MCM2: variants seen among roughly 807,000 people sequenced by gnomAD.
MCM2 encodes DNA replication licensing factor MCM2.
MCM2 carries 49 observed loss-of-function variants against 86.4 expected under a neutral mutation model. The ratio of observed to expected loss-of-function variants is 0.57; its 90% confidence interval spans 0.45 to 0.72. The LOEUF is 0.72. Among genes scored for constraint, MCM2 ranks in the 30% least tolerant of loss-of-function variants. MCM2 has a pLI of 0.00. For missense variants in MCM2, 1,038 were observed against 1,259.9 expected (o/e 0.82, Z 2.67); for synonymous variants, 475 against 484.6 (o/e 0.98, Z 0.26).
chr3:127,618,511 C>A lies in MCM2; in HGVS notation c.2013+430C>A, dbSNP rs771375510. Reference sequence around the variant, plus strand: ...GAATCCAGGGTCCTCCCCTCCGGCCCGCACCCGCCATCTCTGCAGCTACCT... The same window carrying A: ...GAATCCAGGGTCCTCCCCTCCGGCCAGCACCCGCCATCTCTGCAGCTACCT... On this transcript the variant is annotated intron_variant, in intron 12 of 15. Transcript: ENST00000265056. This position sits in a 1 kb window ranked among gnomAD's most constrained non-coding sequence, Gnocchi z 4.0. Among the ~76,000 whole-genome samples the A allele has an allele frequency of 6.6e-6, 1 of 152,150 alleles. No individual in the cohort carries two copies. The highest frequency in any genetic ancestry group is 1.5e-5 in the Non-Finnish European group (1 of 68,016).
Position 127,621,837 on chromosome 3 carries a change from C to A in MCM2, c.*64C>A. 8.1e-7 allele frequency: 1 copy of A among 1,241,322 alleles called. No individual in the cohort carries two copies. The allele number at this position is 1,241,322 out of a possible 1,614,324, so 76.9% of individuals were successfully genotyped here. ...TTTGGGGTGGTCAGTGCCCTCTGTG[C>A]TTTATGGACACAAAACCAGAGCACT... is the stretch of plus-strand genomic sequence containing the variant. On this transcript the variant is annotated 3_prime_UTR_variant, in exon 16 of 16. Transcript: ENST00000265056.
At chr3:127,614,585 T>C (rs1344559656) in intron 8 of MCM2, among the ~76,000 whole-genome samples, 2 of 152,246 alleles carry the variant, frequency 1.3e-5, no homozygotes, top group Non-Finnish European at 2.9e-5. Context: ...GACACACACC[T>C]CTGTCACCTG....
rs372497993 is a variant in MCM2 at position 127,618,200 on chromosome 3, T to C, written c.2013+119T>C. 1.3e-6 allele frequency: 1 copy of C among 758,514 alleles called. No individual in the cohort carries two copies. The highest frequency in any genetic ancestry group is 1.7e-5 in the African/African-American group (1 of 57,826). 47.0% of individuals were successfully genotyped at this position (758,514 alleles called of 1,614,324 possible). ...GTGCTGCAGGGGCCATAGGCTGTTTTCTAGTCCTGTTCCCTCGGTCTCTTC... is the reference window on the plus strand; with the variant it reads ...GTGCTGCAGGGGCCATAGGCTGTTTCCTAGTCCTGTTCCCTCGGTCTCTTC... On this transcript the variant is annotated intron_variant, in intron 12 of 15. Coordinates refer to ENST00000265056, the MANE Select transcript of MCM2 (RefSeq NM_004526.4). This position sits in a 1 kb window ranked among gnomAD's most constrained non-coding sequence, Gnocchi z 4.0.
chr3:127,614,976 G>T (rs1370743367), intron 8 of MCM2, among the ~76,000 whole-genome samples: 1 of 152,218 alleles, frequency 6.6e-6, no homozygotes, highest in Non-Finnish European at 1.5e-5. Context: ...GCTTTCAGAG[G>T]GAGATAGGAG....
At chr3:127,599,809 G>T (rs1393951985) in intron 2 of MCM2, among the ~76,000 whole-genome samples, 1 of 152,220 alleles carries the variant, frequency 6.6e-6, no homozygotes, top group African/African-American at 2.4e-5. Context: ...GAATGTAGGG[G>T]TCTCTAATCT....
chr3:127,621,276 G>C, intron 15 of MCM2, 48 bp downstream of exon 15: 1 of 1,605,754 alleles, frequency 6.2e-7, no homozygotes, highest in Non-Finnish European at 8.5e-7. Context: ...TGACTTGGGA[G>C]CTGCCAGTCT....
intron 8 of MCM2, among the ~76,000 whole-genome samples, chr3:127,614,981 T>C (rs1246315502): frequency 6.6e-6 from 1 of 152,214 alleles, no homozygotes; most frequent in African/African-American, 2.4e-5. Context: ...CAGAGGGAGA[T>C]AGGAGTTAGA....
Position 127,615,954 on chromosome 3 carries a change from A to C in MCM2, c.1521A>C (p.Pro507=). 1 of 1,613,384 alleles carries C rather than the reference A, an allele frequency of 6.2e-7. No homozygotes were observed. The highest frequency in any genetic ancestry group is 2.2e-5 in the East Asian group (1 of 44,876). Residue 507 remains proline (P), a splice_region_variant and synonymous_variant, in exon 9 of 16, where the codon CCA becomes CCC. Transcript: ENST00000265056. Reference sequence around the variant, plus strand: ...TGTTCGGAGGGGAGCCCAAAAACCCAGGTGAGCACCCACCTTTCCTCTGCA... The same window carrying C: ...TGTTCGGAGGGGAGCCCAAAAACCCCGGTGAGCACCCACCTTTCCTCTGCA... ...LALFGGEPKN[P]GGKHKVRGDI... is the part of the protein sequence containing the mutation.
rs1020858886 is a variant in MCM2, at chr3:127,618,263, C to T, written c.2013+182C>T. On this transcript the variant is annotated intron_variant, in intron 12 of 15. Coordinates refer to ENST00000265056, the MANE Select transcript of MCM2 (RefSeq NM_004526.4). This position sits in a 1 kb window ranked among gnomAD's most constrained non-coding sequence, Gnocchi z 4.0. Reference sequence around the variant, plus strand: ...GTCGCCCTGATTTCTCTTTCCTTCACAGCACCCCCGACCCCCACCCTACAT... The same window carrying T: ...GTCGCCCTGATTTCTCTTTCCTTCATAGCACCCCCGACCCCCACCCTACAT... 6.6e-6 allele frequency among the ~76,000 whole-genome samples: 1 copy of T among 152,102 alleles called. No individual in the cohort carries two copies. The highest frequency in any genetic ancestry group is 1.5e-5 in the Non-Finnish European group (1 of 68,008).
Position 127,621,756 on chromosome 3 carries a change from A to G in MCM2, c.2698A>G (p.Ile900Val). ...KFSHDLKRKM[I>V]LQQF ...CAGCCACGACCTGAAAAGGAAAATG[A>G]TCCTGCAGCAGTTCTGAGGCCCTAT... Residue 900 changes from isoleucine to valine, a missense_variant, in exon 16 of 16, where the codon ATC (isoleucine) becomes GTC (valine). Coordinates refer to ENST00000265056, the MANE Select transcript of MCM2 (RefSeq NM_004526.4). 6.2e-7 allele frequency: 1 copy of G among 1,613,830 alleles called. No homozygotes were observed. The highest frequency in any genetic ancestry group is 8.5e-7 in the Non-Finnish European group (1 of 1,179,800).
chr3:127,598,623 C>T, intron 1 of MCM2, 151 bp downstream of exon 1: 1 of 1,089,920 alleles, frequency 9.2e-7, no homozygotes, highest in Non-Finnish European at 1.3e-6. Flanking sequence ...CTGCACCCTG[C>T]GTGAGGCGAC....
At chr3:127,609,837 C>CT (rs10716532) in intron 8 of MCM2, among the ~76,000 whole-genome samples, 755 of 69,128 alleles carry the variant, frequency 0.011, 133 homozygotes, top group South Asian at 0.033. Flanking sequence ...AGTCAACTTC[C>CT]TTTTTTTTTT....
At chr3:127,613,206 G>T (rs543317838) in intron 8 of MCM2, among the ~76,000 whole-genome samples, 1 of 152,182 alleles carries the variant, frequency 6.6e-6, no homozygotes, top group Non-Finnish European at 1.5e-5. Context: ...CTTGGCCCTG[G>T]AGGGAGACAT....
chr3:127,620,681 A>T lies in MCM2; in HGVS notation c.2266-17A>T. On this transcript the variant is annotated splice_polypyrimidine_tract_variant and intron_variant, in intron 13 of 15. Transcript: ENST00000265056. ...CTTTCCTGCCCGTGAAAGACCTGAC[A>T]CTGTGCTTCTCTCCAGGCGACAGGC... The T allele has an allele frequency of 6.4e-7, 1 of 1,571,716 alleles. No individual in the cohort carries two copies. Among genetic ancestry groups the T allele is most frequent in the Middle Eastern group, 1.7e-4 (1 of 5,866 alleles).
At position 127,606,353 on chromosome 3, in the gene MCM2, G is replaced by A. The variant is rs774849064; in HGVS notation, c.893+16G>A. ...GCTCGCTGAGGTGAGCTGAGGGCAG[G>A]TGAGGATGGCAGGTCCGAGCTCAGT... On this transcript the variant is annotated intron_variant, in intron 5 of 15. Coordinates refer to ENST00000265056, the MANE Select transcript of MCM2 (RefSeq NM_004526.4). This position sits in a 1 kb window ranked among gnomAD's most constrained non-coding sequence, Gnocchi z 4.2. 4.3e-6 allele frequency: 7 copies of A among 1,613,212 alleles called. No individual in the cohort carries two copies. The African/African-American group carries it at 5.3e-5, about 12-fold the overall frequency.
In MCM2 at chr3:127,620,701, A is replaced by G; in HGVS notation, c.2269A>G (p.Thr757Ala). ...CTGACACTGTGCTTCTCTCCAGGCGACAGGCAGCATCCCCATTACGGTGCG... is the reference window on the plus strand; with the variant it reads ...CTGACACTGTGCTTCTCTCCAGGCGGCAGGCAGCATCCCCATTACGGTGCG... ...YSDLRKESMATGSIPITVRHI... is the reference protein window; with the variant it reads ...YSDLRKESMAAGSIPITVRHI... The change falls in exon 14 of 16, where the codon ACA becomes GCA. Residue 757 changes from threonine to alanine, a missense_variant. By Grantham distance (58) the Thr-to-Ala change is moderately conservative (BLOSUM62 0). Around this residue, in one of 4 missense-constraint regions of MCM2, gnomAD observed 336 missense variants for 425.7 expected, o/e 0.79. Transcript: ENST00000265056. The G allele has an allele frequency of 1.3e-6, 2 of 1,588,422 alleles. No individual in the cohort carries two copies. Among genetic ancestry groups the G allele is most frequent in the Non-Finnish European group, 1.7e-6 (2 of 1,163,298 alleles).
intron 8 of MCM2, among the ~76,000 whole-genome samples, chr3:127,610,391 G>A (rs1446546197): frequency 1.3e-5 from 2 of 152,178 alleles, no homozygotes; most frequent in Non-Finnish European, 2.9e-5. Flanking sequence ...GGTGGGGTAA[G>A]GAGAGCTGTG....
chr3:127,604,935 G>A lies in MCM2; in HGVS notation c.452G>A (p.Arg151His), dbSNP rs751729409. 19 of 1,613,482 alleles carry A rather than the reference G, an allele frequency of 1.2e-5. No homozygotes were observed. Among genetic ancestry groups the A allele is most frequent in the African/African-American group, 2.7e-5 (2 of 75,014 alleles). ...GACGAGGAGCGCCCTGCCCGCAAGC[G>A]CCGCCAGGTGGAGCGGGCCACGGAG... is the stretch of plus-strand genomic sequence containing the variant. ...EEDEERPARK[R>H]RQVERATEDG... The change falls in exon 4 of 16, where the codon CGC (arginine) becomes CAC (histidine). Residue 151 changes from arginine (R) to histidine (H), a missense_variant. Physicochemically the swap from Arg to His is conservative, Grantham distance 29 (BLOSUM62 0). Around this residue, in one of 4 missense-constraint regions of MCM2, gnomAD observed 300 missense variants for 307.4 expected, o/e 0.98. Coordinates refer to ENST00000265056, the MANE Select transcript of MCM2 (RefSeq NM_004526.4).
chr3:127,598,959 C>G (rs1242685528), intron 1 of MCM2: 4 of 386,960 alleles, frequency 1.0e-5, no homozygotes, highest in African/African-American at 2.1e-5. Flanking sequence ...ACCTTGCGCA[C>G]TGTGTGTGCT....
Sources: allele counts gnomAD v4.1 joint callset (sites outside exome capture counted in the v4.1 genomes callset), GRCh38; gene constraint gnomAD v4.1.1; regional missense constraint gnomAD v4.1.1; non-coding constraint Gnocchi (gnomAD v3.1); transcripts MANE v1.5; gene names NCBI Gene and HGNC (gene_info 2026-07-23, HGNC 2026-07-21).